LRRC4: variants seen among roughly 807,000 people sequenced by gnomAD.
LRRC4 encodes the protein leucine-rich repeat-containing protein 4.
LRRC4 carries 11 observed loss-of-function variants against 37.9 expected under a neutral mutation model. That is an observed-to-expected ratio of 0.29 (90% CI 0.18 to 0.48). LRRC4 has a LOEUF of 0.48. Ranked by LOEUF, LRRC4 falls within the 20% of genes least tolerant of loss-of-function variation. LRRC4 has a pLI of 0.99. For missense variants in LRRC4, 717 were observed against 842.1 expected, an observed-to-expected ratio of 0.85 and a Z score of 1.84; for synonymous variants, 404 against 346.7, an observed-to-expected ratio of 1.17 and a Z score of -1.84.
rs776623194 is a variant in LRRC4, at chr7:128,030,215, G to A, written c.426C>T (p.Ala142=). The A allele has an allele frequency of 1.2e-6, 2 of 1,614,228 alleles. No individual in the cohort carries two copies. Among genetic ancestry groups the A allele is most frequent in the South Asian group, 2.2e-5 (2 of 91,090 alleles). The part of the protein sequence containing the change: ...DNWLTVIPSG[A]FEYLSKLREL... The stretch of plus-strand genomic sequence containing the variant: ...CCCGCAGCTTGGACAGGTATTCAAA[G>A]GCCCCGCTAGGGATGACTGTCAGCC... The change falls in exon 2 of 2, where the codon GCC becomes GCT. Residue 142 remains alanine, a synonymous_variant. Transcript: ENST00000249363.
Position 128,028,857 on chromosome 7 carries a change from G to C in LRRC4, c.1784C>G (p.Ala595Gly). 6.2e-7 allele frequency: 1 copy of C among 1,614,164 alleles called. No individual in the cohort carries two copies. The highest frequency in any genetic ancestry group is 8.5e-7 in the Non-Finnish European group (1 of 1,180,022). Residue 595 changes from alanine to glycine, a missense_variant, in exon 2 of 2, where the codon GCA becomes GGA. By Grantham distance (60) the Ala-to-Gly change is moderately conservative (BLOSUM62 0). Around this residue, in one of 5 missense-constraint regions of LRRC4, gnomAD observed 140 missense variants for 137.2 expected, o/e 1.02. Transcript: ENST00000249363. ...AAPSGVSGEG[A>G]VVLPTIHDHI... ...GTCATGAATTGTGGGCAGCACTACT[G>C]CCCCCTCACCTGATACACCGGACGG...
Position 128,030,392 on chromosome 7 carries a change from C to T in LRRC4, c.249G>A (p.Met83Ile). The T allele has an allele frequency of 6.2e-7, 1 of 1,613,934 alleles. No individual in the cohort carries two copies. Among genetic ancestry groups the T allele is most frequent in the Non-Finnish European group, 8.5e-7 (1 of 1,180,024 alleles). The change falls in exon 2 of 2, where the codon ATG becomes ATA. Residue 83 changes from methionine (M) to isoleucine (I), a missense_variant. By Grantham distance (10) the Met-to-Ile change is conservative. This residue lies in a region of LRRC4 where 127 missense variants were observed against 134.8 expected (regional missense o/e 0.94). Coordinates refer to ENST00000249363, the MANE Select transcript of LRRC4 (RefSeq NM_022143.5). The part of the protein sequence containing the change: ...IPSNTRYLNL[M>I]ENNIQMIQAD... ...CCTGGATCATCTGGATGTTGTTCTC[C>T]ATGAGGTTGAGGTACCGGGTGTTCG...
rs745350732 is a variant in LRRC4, at chr7:128,030,455, C to T, written c.186G>A (p.Thr62=). The T allele has an allele frequency of 1.2e-6, 2 of 1,613,638 alleles. No homozygotes were observed. The highest frequency in any genetic ancestry group is 8.5e-7 in the Non-Finnish European group (1 of 1,180,002). ...CSNQFSKVVC[T]RRGLSEVPQG... The stretch of plus-strand genomic sequence containing the variant: ...GCGGGACCTCGGAGAGGCCCCGGCG[C>T]GTGCACACCACCTTGCTGAACTGGT... Residue 62 remains threonine, a synonymous_variant, in exon 2 of 2, where the codon ACG becomes ACA. Coordinates refer to ENST00000249363, the MANE Select transcript of LRRC4 (RefSeq NM_022143.5).
chr7:128,030,375 A>G lies in LRRC4; in HGVS notation c.266T>C (p.Met89Thr), dbSNP rs1409450641. ...GTGGCGGAAGGTGTCGGCCTGGATCATCTGGATGTTGTTCTCCATGAGGTT... is the reference window on the plus strand; with the variant it reads ...GTGGCGGAAGGTGTCGGCCTGGATCGTCTGGATGTTGTTCTCCATGAGGTT... ...YLNLMENNIQMIQADTFRHLH... is the reference protein window; with the variant it reads ...YLNLMENNIQTIQADTFRHLH... Residue 89 changes from methionine (M) to threonine (T), a missense_variant, in exon 2 of 2, where the codon ATG becomes ACG. Physicochemically the swap from Met to Thr is moderately conservative, Grantham distance 81. This residue lies in a region of LRRC4 where 127 missense variants were observed against 134.8 expected (regional missense o/e 0.94). Coordinates refer to ENST00000249363, the MANE Select transcript of LRRC4 (RefSeq NM_022143.5). 6.2e-7 allele frequency: 1 copy of G among 1,613,986 alleles called. No individual in the cohort carries two copies. Among genetic ancestry groups the G allele is most frequent in the Admixed American group, 1.7e-5 (1 of 60,024 alleles).
chr7:128,030,427 C>G lies in LRRC4; in HGVS notation c.214G>C (p.Gly72Arg). Reference protein sequence around the residue: ...TRRGLSEVPQGIPSNTRYLNL... With the variant: ...TRRGLSEVPQRIPSNTRYLNL... ...AGGTACCGGGTGTTCGAGGGAATACCCTGCGGGACCTCGGAGAGGCCCCGG... is the reference window on the plus strand; with the variant it reads ...AGGTACCGGGTGTTCGAGGGAATACGCTGCGGGACCTCGGAGAGGCCCCGG... The change falls in exon 2 of 2, where the codon GGT becomes CGT. Residue 72 changes from glycine (G) to arginine (R), a missense_variant. Transcript: ENST00000249363. 6.2e-7 allele frequency: 1 copy of G among 1,613,870 alleles called. No individual in the cohort carries two copies. Among genetic ancestry groups the G allele is most frequent in the Non-Finnish European group, 8.5e-7 (1 of 1,180,026 alleles).
Position 128,027,443 on chromosome 7 carries a change from G to C in LRRC4, c.*1236C>G, listed in dbSNP as rs1803508791. 1 of 152,510 alleles carries C rather than the reference G, an allele frequency of 6.6e-6. No homozygotes were observed. Among genetic ancestry groups the C allele is most frequent in the East Asian group, 1.9e-4 (1 of 5,174 alleles). 9.4% of individuals were successfully genotyped at this position (152,510 alleles called of 1,614,324 possible). A position where few individuals can be genotyped will look rare whatever the true frequency, so the allele number is the denominator to read the frequency against. On this transcript the variant is annotated 3_prime_UTR_variant, in exon 2 of 2. Coordinates refer to ENST00000249363, the MANE Select transcript of LRRC4 (RefSeq NM_022143.5). ...CTTTTTTGTGAACCATCCTGGTTGG[G>C]AAAGGCTTCATTACTTTACGTGAGC...
At position 128,029,357 on chromosome 7, in the gene LRRC4, A is replaced by G. The variant is rs1792505307; in HGVS notation, c.1284T>C (p.Asn428=). The G allele has an allele frequency of 6.2e-7, 1 of 1,614,082 alleles. No individual in the cohort carries two copies. Reference sequence around the variant, plus strand: ...CCGAGGCGTTGGAGTTGCCTGCAACATTGGTCACCATGCATGTGTACACCC... The same window carrying G: ...CCGAGGCGTTGGAGTTGCCTGCAACGTTGGTCACCATGCATGTGTACACCC... ...DTGVYTCMVT[N]VAGNSNASAY... The change falls in exon 2 of 2, where the codon AAT becomes AAC. Residue 428 remains asparagine, a synonymous_variant. Transcript: ENST00000249363. The surrounding 1 kb of genome is among the most constrained non-coding windows in gnomAD (Gnocchi z 4.2).
rs1584749671 is a variant in LRRC4 at position 128,030,604 on chromosome 7, T to G, written c.37A>C (p.Thr13Pro). Residue 13 changes from threonine to proline, a missense_variant, in exon 2 of 2, where the codon ACC (threonine) becomes CCC (proline). Physicochemically the swap from Thr to Pro is conservative, Grantham distance 38. Coordinates refer to ENST00000249363, the MANE Select transcript of LRRC4 (RefSeq NM_022143.5). ...LLWQVTVHHH[T>P]WNAILLPFVY... is the part of the protein sequence containing the mutation. ...AACGGGAGCAGGATGGCATTCCAGG[T>G]GTGGTGGTGCACAGTTACCTGCCAC... The G allele has an allele frequency of 6.3e-7, 1 of 1,588,752 alleles. No homozygotes were observed. The highest frequency in any genetic ancestry group is 8.6e-7 in the Non-Finnish European group (1 of 1,164,318).
At position 128,030,049 on chromosome 7, in the gene LRRC4, G is replaced by A; in HGVS notation, c.592C>T (p.Leu198Phe). ...SEGAFEGLFNLKYLNLGMCNI... is the reference protein window; with the variant it reads ...SEGAFEGLFNFKYLNLGMCNI... ...CACATGCCCAAGTTCAGATACTTGA[G>A]GTTGAACAGCCCCTCAAAAGCTCCC... is the stretch of plus-strand genomic sequence containing the variant. Residue 198 changes from leucine (L) to phenylalanine (F), a missense_variant, in exon 2 of 2, where the codon CTC (leucine) becomes TTC (phenylalanine). Coordinates refer to ENST00000249363, the MANE Select transcript of LRRC4 (RefSeq NM_022143.5). 6.2e-7 allele frequency: 1 copy of A among 1,613,326 alleles called. No individual in the cohort carries two copies.
In LRRC4 at chr7:128,029,481, G is replaced by A. The variant is rs753239961; in HGVS notation, c.1160C>T (p.Pro387Leu). ...PPMSSVKWLL[P>L]NGTVLSHASR... ...GGCGTGGCTGAGCACTGTCCCATTGGGCAGCAACCACTTCACGGAGGACAT... is the reference window on the plus strand; with the variant it reads ...GGCGTGGCTGAGCACTGTCCCATTGAGCAGCAACCACTTCACGGAGGACAT... The change falls in exon 2 of 2, where the codon CCC becomes CTC. Residue 387 changes from proline to leucine, a missense_variant. By Grantham distance (98) the Pro-to-Leu change is moderately conservative. Coordinates refer to ENST00000249363, the MANE Select transcript of LRRC4 (RefSeq NM_022143.5). This position sits in a 1 kb window ranked among gnomAD's most constrained non-coding sequence, Gnocchi z 4.2. The A allele has an allele frequency of 3.1e-6, 5 of 1,614,040 alleles. No homozygotes were observed. Among genetic ancestry groups the A allele is most frequent in the Non-Finnish European group, 4.2e-6 (5 of 1,180,042 alleles).
At position 128,028,731 on chromosome 7, in the gene LRRC4, G is replaced by C; in HGVS notation, c.1910C>G (p.Pro637Arg). 3 of 1,614,044 alleles carry C rather than the reference G, an allele frequency of 1.9e-6. No homozygotes were observed. The highest frequency in any genetic ancestry group is 2.5e-6 in the Non-Finnish European group (3 of 1,179,986). The change falls in exon 2 of 2, where the codon CCT becomes CGT. Residue 637 changes from proline to arginine, a missense_variant. Physicochemically the swap from Pro to Arg is moderately radical, Grantham distance 103 (BLOSUM62 -2). Around this residue, in one of 5 missense-constraint regions of LRRC4, gnomAD observed 140 missense variants for 137.2 expected, o/e 1.02. Transcript: ENST00000249363. ...CTTGGTATGGGTCTGAATTATATAA[G>C]GTTCAGAGATAGTGGTGACTGTGGG... Reference protein sequence around the residue: ...LHPTVTTISEPYIIQTHTKDK... With the variant: ...LHPTVTTISERYIIQTHTKDK...
Position 128,029,869 on chromosome 7 carries a change from C to G in LRRC4, c.772G>C (p.Glu258Gln). 6.2e-7 allele frequency: 1 copy of G among 1,613,410 alleles called. No individual in the cohort carries two copies. Among genetic ancestry groups the G allele is most frequent in the Non-Finnish European group, 8.5e-7 (1 of 1,180,024 alleles). Reference sequence around the variant, plus strand: ...GCCAGCCCGTCAAAAGCATTCCGCTCAATCAGGCTGACCTGTGAGTTCATG... The same window carrying G: ...GCCAGCCCGTCAAAAGCATTCCGCTGAATCAGGCTGACCTGTGAGTTCATG... ...WVMNSQVSLI[E>Q]RNAFDGLASL... The change falls in exon 2 of 2, where the codon GAG becomes CAG. Residue 258 changes from glutamate to glutamine, a missense_variant. Coordinates refer to ENST00000249363, the MANE Select transcript of LRRC4 (RefSeq NM_022143.5). This position sits in a 1 kb window ranked among gnomAD's most constrained non-coding sequence, Gnocchi z 4.2.
At position 128,029,281 on chromosome 7, in the gene LRRC4, A is replaced by G. The variant is rs763808571; in HGVS notation, c.1360T>C (p.Phe454Leu). ...GTGGTCTCCACTGTTACTGTGGTGA[A>G]GAAGCTGTAGTTGGAGGTGTTAAGC... Reference protein sequence around the residue: ...AELNTSNYSFFTTVTVETTEI... With the variant: ...AELNTSNYSFLTTVTVETTEI... The change falls in exon 2 of 2, where the codon TTC becomes CTC. Residue 454 changes from phenylalanine (F) to leucine (L), a missense_variant. Physicochemically the swap from Phe to Leu is conservative, Grantham distance 22 (BLOSUM62 0). Transcript: ENST00000249363. The surrounding 1 kb of genome is among the most constrained non-coding windows in gnomAD (Gnocchi z 4.2). 6.2e-7 allele frequency: 1 copy of G among 1,614,180 alleles called. No individual in the cohort carries two copies. Among genetic ancestry groups the G allele is most frequent in the South Asian group, 1.1e-5 (1 of 91,076 alleles).
In LRRC4 at chr7:128,029,576, G is replaced by A. The variant is rs777548258; in HGVS notation, c.1065C>T (p.Ile355=). Reference sequence around the variant, plus strand: ...TGTTGAGGTCTCGAGGTGCGTCCATGATGAAGGGGGCAGAGCACTGGAAGG... The same window carrying A: ...TGTTGAGGTCTCGAGGTGCGTCCATAATGAAGGGGGCAGAGCACTGGAAGG... The part of the protein sequence containing the change: ...QASFQCSAPF[I]MDAPRDLNIS... The change falls in exon 2 of 2, where the codon ATC becomes ATT. Residue 355 remains isoleucine, a synonymous_variant. Transcript: ENST00000249363. This position sits in a 1 kb window ranked among gnomAD's most constrained non-coding sequence, Gnocchi z 4.2. The A allele has an allele frequency of 1.5e-5, 25 of 1,613,922 alleles. No homozygotes were observed. Among genetic ancestry groups the A allele is most frequent in the Non-Finnish European group, 2.0e-5 (24 of 1,180,030 alleles).
Position 128,028,505 on chromosome 7 carries a change from A to C in LRRC4, c.*174T>G. ...TTAAATAGAACTTACAAGTTAGAAA[A>C]TATTTTTGTTTTGACTTTTTGTCTT... On this transcript the variant is annotated 3_prime_UTR_variant, in exon 2 of 2. Transcript: ENST00000249363. 1 of 647,278 alleles carries C rather than the reference A, an allele frequency of 1.5e-6. No individual in the cohort carries two copies. The highest frequency in any genetic ancestry group is 2.8e-5 in the South Asian group (1 of 36,226). The allele number at this position is 647,278 out of a possible 1,614,324, so 40.1% of individuals were successfully genotyped here.
At position 128,029,722 on chromosome 7, in the gene LRRC4, C is replaced by G; in HGVS notation, c.919G>C (p.Asp307His). Reference protein sequence around the residue: ...LHHNPWNCDCDILWLAWWLRE... With the variant: ...LHHNPWNCDCHILWLAWWLRE... ...AGCCACCAGGCTAGCCACAGAATGTCACAATCACAGTTCCAAGGGTTGTGG... is the reference window on the plus strand; with the variant it reads ...AGCCACCAGGCTAGCCACAGAATGTGACAATCACAGTTCCAAGGGTTGTGG... Residue 307 changes from aspartate (D) to histidine (H), a missense_variant, in exon 2 of 2, where the codon GAC becomes CAC. Asp to His is a moderately conservative substitution (Grantham distance 81). Transcript: ENST00000249363. This position sits in a 1 kb window ranked among gnomAD's most constrained non-coding sequence, Gnocchi z 4.2. 6.2e-7 allele frequency: 1 copy of G among 1,614,128 alleles called. No homozygotes were observed. The highest frequency in any genetic ancestry group is 8.5e-7 in the Non-Finnish European group (1 of 1,180,034).
rs773227394 is a variant in LRRC4 at position 128,028,983 on chromosome 7, C to T, written c.1658G>A (p.Arg553Gln). The T allele has an allele frequency of 1.9e-6, 3 of 1,611,048 alleles. No homozygotes were observed. The highest frequency in any genetic ancestry group is 1.7e-6 in the Non-Finnish European group (2 of 1,178,408). ...MLIVFYKLRK[R>Q]HQQRSTVTAA... ...TGTGACTGTACTCCGCTGCTGGTGC[C>T]GCTTACGAAGTTTATAGAAGACAAT... The change falls in exon 2 of 2, where the codon CGG (arginine) becomes CAG (glutamine). Residue 553 changes from arginine (R) to glutamine (Q), a missense_variant. Physicochemically the swap from Arg to Gln is conservative, Grantham distance 43 (BLOSUM62 1). Transcript: ENST00000249363.
rs1279462735 is a variant in LRRC4 at position 128,031,130 on chromosome 7, G to A, written c.-318C>T. ...CCGGAGCCGGAGCCGGCGAAGCCGC[G>A]GAGTTGAGGCGCGCCTGGGAGAGCC... On this transcript the variant is annotated 5_prime_UTR_variant, in exon 1 of 2. Coordinates refer to ENST00000249363, the MANE Select transcript of LRRC4 (RefSeq NM_022143.5). 6.5e-6 allele frequency: 1 copy of A among 152,824 alleles called. No individual in the cohort carries two copies. Among genetic ancestry groups the A allele is most frequent in the African/African-American group, 2.4e-5 (1 of 41,476 alleles). The allele number at this position is 152,824 out of a possible 1,614,324, so 9.5% of individuals were successfully genotyped here. A position where few individuals can be genotyped will look rare whatever the true frequency, so the allele number is the denominator to read the frequency against.
upstream of LRRC4, chr7:128,031,464 AGAG>A (rs1472690192): frequency 2.0e-5 from 3 of 151,718 alleles, no homozygotes; most frequent in African/African-American, 7.3e-5. Context: ...GCGAGAGTTA[AGAG>A]GAGGTGTTCG....
Sources: allele counts gnomAD v4.1 joint callset, GRCh38; gene constraint gnomAD v4.1.1; regional missense constraint gnomAD v4.1.1; non-coding constraint Gnocchi (gnomAD v3.1); transcripts MANE v1.5; gene names NCBI Gene and HGNC (gene_info 2026-07-23, HGNC 2026-07-21).